CD6: variants seen among roughly 807,000 people sequenced by gnomAD.
CD6 encodes the protein T-cell differentiation antigen CD6.
Under a neutral mutation model 75.3 loss-of-function variants are expected in CD6, and 53 were observed. That is an observed-to-expected ratio of 0.70 (90% CI 0.56 to 0.88). The LOEUF (loss-of-function observed/expected upper bound fraction) is 0.88. Among genes scored for constraint, CD6 ranks in the 40% least tolerant of loss-of-function variants. The pLI, the probability that CD6 is intolerant of heterozygous loss-of-function variation, is 0.00. For synonymous variants in CD6, 359 were observed against 381.5 expected, an observed-to-expected ratio of 0.94 and a Z score of 0.69; for missense variants, 770 against 897.1, an observed-to-expected ratio of 0.86 and a Z score of 1.81.
At position 60,991,228 on chromosome 11, in the gene CD6, G is replaced by A. The variant is rs141998839; in HGVS notation, c.50-15346G>A. Among the ~76,000 whole-genome samples, 885 of 129,728 alleles carry A rather than the reference G, an allele frequency of 6.8e-3. 9 individuals carry two copies. The highest frequency in any genetic ancestry group is 0.024 in the African/African-American group (828 of 34,584). The allele number at this position is 129,728 out of a possible 152,430, so 85.1% of individuals were successfully genotyped here. ...TGCAATGGCTAAATCTCGGCTCACC[G>A]CAACCTCCACCTCCTGGGTTCAAGC... On this transcript the variant is annotated intron_variant, in intron 1 of 12. Coordinates refer to ENST00000313421, the MANE Select transcript of CD6 (RefSeq NM_006725.5).
chr11:60,984,817 C>T (rs1857736397), intron 1 of CD6, among the ~76,000 whole-genome samples: 2 of 152,216 alleles, frequency 1.3e-5, no homozygotes, highest in East Asian at 3.9e-4. Flanking sequence ...GGGGGAGGAG[C>T]AGGGGCGGAG....
At chr11:61,001,479 G>T (rs1858585345) in intron 1 of CD6, among the ~76,000 whole-genome samples, 1 of 152,076 alleles carries the variant, frequency 6.6e-6, no homozygotes, top group Admixed American at 6.5e-5. Context: ...GGGATTACAG[G>T]CGTGAGCCAC....
intron 1 of CD6, among the ~76,000 whole-genome samples, chr11:60,984,814 G>A (rs1370625386): frequency 6.6e-6 from 1 of 152,204 alleles, no homozygotes; most frequent in South Asian, 2.1e-4. Context: ...TCAGGGGGAG[G>A]AGCAGGGGCG....
In CD6 at chr11:61,011,131, T is replaced by C. The variant is rs374328736; in HGVS notation, c.1146T>C (p.Thr382=). ...PEVPASVQTV[T]IESSVTVKIE... ...TCCCTGCAAGTGTTCAGACAGTCAC[T>C]ATAGGTAAGTGTTGCTGGGTACTAC... Residue 382 remains threonine (T), a synonymous_variant, in exon 6 of 13, where the codon ACT becomes ACC. Transcript: ENST00000313421. 158 of 1,613,518 alleles carry C rather than the reference T, an allele frequency of 9.8e-5. No individual in the cohort carries two copies. Among genetic ancestry groups the C allele is most frequent in the Non-Finnish European group, 1.3e-4 (154 of 1,179,752 alleles).
intron 1 of CD6, among the ~76,000 whole-genome samples, chr11:60,977,037 A>C (rs897541326): frequency 5.3e-5 from 8 of 151,942 alleles, no homozygotes. Flanking sequence ...CGTGGCCTTC[A>C]CCGTATTGGG....
Position 61,019,294 on chromosome 11 carries a change from C to T in CD6, c.1983C>T (p.Asp661=), listed in dbSNP as rs1232453653. ...AGCCTGACTCCACCGACAACGATGACTACGATGACATCAGCGCAGCCTAGG... is the reference window on the plus strand; with the variant it reads ...AGCCTGACTCCACCGACAACGATGATTACGATGACATCAGCGCAGCCTAGG... The part of the protein sequence containing the change: ...SPQPDSTDND[D]YDDISAA The change falls in exon 13 of 13, where the codon GAC becomes GAT. Residue 661 remains aspartate (D), a synonymous_variant. Coordinates refer to ENST00000313421, the MANE Select transcript of CD6 (RefSeq NM_006725.5). The T allele has an allele frequency of 3.7e-6, 6 of 1,610,448 alleles. No homozygotes were observed. Among genetic ancestry groups the T allele is most frequent in the African/African-American group, 1.3e-5 (1 of 74,898 alleles).
intron 1 of CD6, among the ~76,000 whole-genome samples, chr11:60,992,748 A>G (rs1241011774): frequency 2.0e-5 from 3 of 152,090 alleles, no homozygotes; most frequent in African/African-American, 7.2e-5. Context: ...GAATCACTAG[A>G]ACTTGGGAGG....
rs535377510 is a variant in CD6 at position 61,011,337 on chromosome 11, C to T, written c.1150+202C>T. Reference sequence around the variant, plus strand: ...CTACATCCCCTCCTTGCCAAGTCAGCCCATAGATCACTGAGTCCTGATACT... The same window carrying T: ...CTACATCCCCTCCTTGCCAAGTCAGTCCATAGATCACTGAGTCCTGATACT... On this transcript the variant is annotated intron_variant, in intron 6 of 12. Coordinates refer to ENST00000313421, the MANE Select transcript of CD6 (RefSeq NM_006725.5). Among the ~76,000 whole-genome samples, 5 of 152,254 alleles carry T rather than the reference C, an allele frequency of 3.3e-5. No homozygotes were observed. The East Asian group carries it at 9.7e-4, about 29-fold the overall frequency.
intron 1 of CD6, among the ~76,000 whole-genome samples, chr11:60,997,866 G>A (rs1164331810): frequency 2.0e-5 from 3 of 152,178 alleles, no homozygotes; most frequent in Non-Finnish European, 2.9e-5. Context: ...CCCATTTCAA[G>A]TGCTCAGTAG....
Position 61,019,298 on chromosome 11 carries a change from G to T in CD6, c.1987G>T (p.Asp663Tyr). The change falls in exon 13 of 13, where the codon GAT becomes TAT. Residue 663 changes from aspartate (D) to tyrosine (Y), a missense_variant. Coordinates refer to ENST00000313421, the MANE Select transcript of CD6 (RefSeq NM_006725.5). Reference protein sequence around the residue: ...QPDSTDNDDYDDISAA With the variant: ...QPDSTDNDDYYDISAA ...TGACTCCACCGACAACGATGACTAC[G>T]ATGACATCAGCGCAGCCTAGGCCGG... 6.2e-7 allele frequency: 1 copy of T among 1,610,008 alleles called. No individual in the cohort carries two copies. Among genetic ancestry groups the T allele is most frequent in the Non-Finnish European group, 8.5e-7 (1 of 1,179,826 alleles).
At position 61,009,819 on chromosome 11, in the gene CD6, G is replaced by T. The variant is rs754760999; in HGVS notation, c.1029G>T (p.Arg343=). Residue 343 remains arginine (R), a synonymous_variant, in exon 5 of 13, where the codon CGG becomes CGT. Coordinates refer to ENST00000313421, the MANE Select transcript of CD6 (RefSeq NM_006725.5). The part of the protein sequence containing the change: ...EELTLSNCSW[R]FNNSNLCSQS... ...TCACCCTCTCCAACTGCTCCTGGCG[G>T]TTCAACAACTCCAACCTCTGCAGCC... The T allele has an allele frequency of 1.3e-5, 21 of 1,594,926 alleles. No homozygotes were observed. The highest frequency in any genetic ancestry group is 1.7e-5 in the Non-Finnish European group (20 of 1,169,320).
intron 1 of CD6, among the ~76,000 whole-genome samples, chr11:61,000,369 C>T (rs1358873360): frequency 1.3e-5 from 2 of 152,126 alleles, no homozygotes; most frequent in African/African-American, 4.8e-5. Context: ...GGCTGCACCA[C>T]TTGTAGATTC....
chr11:60,979,146 G>T (rs1311017467), intron 1 of CD6, among the ~76,000 whole-genome samples: 1 of 152,162 alleles, frequency 6.6e-6, no homozygotes, highest in Non-Finnish European at 1.5e-5. Context: ...GAGTTGCCTG[G>T]CTTGTTTCCA....
chr11:60,985,812 A>C (rs1857791174), intron 1 of CD6, among the ~76,000 whole-genome samples: 2 of 152,208 alleles, frequency 1.3e-5, no homozygotes, highest in Admixed American at 6.5e-5. Flanking sequence ...AAATTTAACA[A>C]AAAGTGTTAG....
chr11:61,018,356 AC>A lies in CD6; in HGVS notation c.1909del (p.Gln637SerfsTer144). On this transcript the variant is annotated frameshift_variant, in exon 12 of 13. Transcript: ENST00000313421. LOFTEE classifies it low-confidence loss of function (END_TRUNC). ...AGTGGTACCAGAACTTCCAGCCACC[AC>A]CCCAGCCCCCTTCGGAGGAGCAGTT... Reference protein sequence around the residue: ...GEWYQNFQPPPQPPSEEQFGC... With the variant: ...GEWYQNFQPPXQPPSEEQFGC... The A allele has an allele frequency of 6.2e-7, 1 of 1,605,786 alleles. No homozygotes were observed. The highest frequency in any genetic ancestry group is 8.5e-7 in the Non-Finnish European group (1 of 1,176,294).
At chr11:60,993,224 G>A (rs930785625) in intron 1 of CD6, among the ~76,000 whole-genome samples, 5 of 149,820 alleles carry the variant, frequency 3.3e-5, no homozygotes, top group Non-Finnish European at 7.5e-5. Context: ...GCAGAGCCGG[G>A]GAAGGGTGCA....
At chr11:60,984,736 C>G (rs957362475) in intron 1 of CD6, among the ~76,000 whole-genome samples, 8 of 152,142 alleles carry the variant, frequency 5.3e-5, no homozygotes, top group Admixed American at 3.3e-4. Flanking sequence ...GGCAGAACCT[C>G]GGAGGGGATA....
rs747200743 is a variant in CD6 at position 61,017,557 on chromosome 11, C to T, written c.1582+7C>T. On this transcript the variant is annotated splice_region_variant and intron_variant, in intron 10 of 12. Coordinates refer to ENST00000313421, the MANE Select transcript of CD6 (RefSeq NM_006725.5). ...ATGCCACCCTTGGAGGAAGGTGAGT[C>T]AGGATGGGAAGGGGTGTGAATGGCA... 7 of 1,558,768 alleles carry T rather than the reference C, an allele frequency of 4.5e-6. No individual in the cohort carries two copies. Among genetic ancestry groups the T allele is most frequent in the African/African-American group, 1.4e-5 (1 of 73,260 alleles).
At chr11:60,991,777 C>T (rs1858075175) in intron 1 of CD6, among the ~76,000 whole-genome samples, 1 of 149,762 alleles carries the variant, frequency 6.7e-6, no homozygotes, top group African/African-American at 2.5e-5. Flanking sequence ...TCAAGTGATC[C>T]TCCTGCCTCA....
Sources: allele counts gnomAD v4.1 joint callset (sites outside exome capture counted in the v4.1 genomes callset), GRCh38; gene constraint gnomAD v4.1.1; transcripts MANE v1.5; gene names NCBI Gene and HGNC (gene_info 2026-07-23, HGNC 2026-07-21).